The following ZMYND11 variants were observed in gnomAD, a reference collection of about 807,000 sequenced individuals.
ZMYND11 encodes zinc finger MYND-type containing 11, also known as zinc finger MYND domain-containing protein 11.
A neutral mutation model predicts 84.9 loss-of-function variants in ZMYND11; 9 were observed. That is an observed-to-expected ratio of 0.11 (90% confidence interval 0.06 to 0.18). The LOEUF (loss-of-function observed/expected upper bound fraction) is 0.18, where lower values mean the gene tolerates loss of function less well. Ranked by LOEUF, ZMYND11 falls within the 10% of genes least tolerant of loss-of-function variation. The pLI is 1.00. For synonymous variants in ZMYND11, 250 were observed against 244.1 expected (o/e 1.02, Z -0.23); for missense variants, 409 against 761.0 (o/e 0.54, Z 5.44).
intron 3 of ZMYND11, among the ~76,000 whole-genome samples, chr10:216,136 G>A (rs1048202976): frequency 6.6e-6 from 1 of 152,138 alleles, no homozygotes; most frequent in Non-Finnish European, 1.5e-5. Flanking sequence ...ACATCTTTTA[G>A]ATAGGAGATA....
rs142501807 is a variant in ZMYND11 at position 240,803 on chromosome 10, C to G, written c.754-90C>G. 6.1e-6 allele frequency: 6 copies of G among 985,942 alleles called. No homozygotes were observed. In the Admixed American group the frequency reaches 1.5e-4, roughly 25 times the overall value. The allele number at this position is 985,942 out of a possible 1,614,324, so 61.1% of individuals were successfully genotyped here. ...AACAAAATTCAACACTATTTATATACGTGAATGTTAATTTACATGGATACA... is the reference window on the plus strand; with the variant it reads ...AACAAAATTCAACACTATTTATATAGGTGAATGTTAATTTACATGGATACA... On this transcript the variant is annotated intron_variant, in intron 8 of 14. Transcript: ENST00000381604.
chr10:185,368 T>A (rs1040817693), intron 2 of ZMYND11, among the ~76,000 whole-genome samples: 1 of 152,058 alleles, frequency 6.6e-6, no homozygotes, highest in Admixed American at 6.6e-5. Context: ...CTGTGTATGT[T>A]GTCCAAAGGC....
rs754245313 is a variant in ZMYND11, at chr10:248,900, C to A, written c.1501-3C>A. On this transcript the variant is annotated splice_region_variant and splice_polypyrimidine_tract_variant and intron_variant, in intron 13 of 14. Transcript: ENST00000381604. Reference sequence around the variant, plus strand: ...CGCACTGTGGGTTGTCTTTTCATTCCAGCTGCGTTCTGAAATGGAAGAAGA... The same window carrying A: ...CGCACTGTGGGTTGTCTTTTCATTCAAGCTGCGTTCTGAAATGGAAGAAGA... 2 of 1,604,534 alleles carry A rather than the reference C, an allele frequency of 1.2e-6. No homozygotes were observed. The highest frequency in any genetic ancestry group is 8.5e-7 in the Non-Finnish European group (1 of 1,175,046).
intron 4 of ZMYND11, among the ~76,000 whole-genome samples, chr10:222,034 T>TA (rs1263113683): frequency 6.6e-6 from 1 of 152,208 alleles, no homozygotes; most frequent in Non-Finnish European, 1.5e-5. Context: ...TGTGGTGACT[T>TA]ATTACATATG....
At chr10:239,335 T>C (rs1382388079) in intron 6 of ZMYND11, 103 bp from the exon 7 acceptor site, 5 of 906,554 alleles carry the variant, frequency 5.5e-6, no homozygotes, top group Non-Finnish European at 8.8e-6. Context: ...GCAGTAGTCA[T>C]CCTGATGTCA....
At position 189,975 on chromosome 10, in the gene ZMYND11, A is replaced by AG. The variant is rs143102626; in HGVS notation, c.116+9850dup. The stretch of plus-strand genomic sequence containing the variant: ...AGCATAGACTGTCTGGATCAAGCAG[A>AG]GGGACTGTAGGGCTTAAGGGAAAGT... On this transcript the variant is annotated intron_variant, in intron 2 of 14. Coordinates refer to ENST00000381604, the MANE Select transcript of ZMYND11 (RefSeq NM_001370100.5). Among the ~76,000 whole-genome samples, 355 of 152,324 alleles carry AG rather than the reference A, an allele frequency of 2.3e-3. 2 individuals are homozygous for AG. Among genetic ancestry groups the AG allele is most frequent in the East Asian group, 0.017 (87 of 5,186 alleles).
intron 4 of ZMYND11, among the ~76,000 whole-genome samples, chr10:234,193 CAA>C (rs1014743995): frequency 2.6e-5 from 4 of 152,214 alleles, no homozygotes; most frequent in African/African-American, 4.8e-5. Flanking sequence ...GAGTTAGAAA[CAA>C]GAGACGTGAA....
intron 2 of ZMYND11, among the ~76,000 whole-genome samples, chr10:186,642 CAAAAAAAAAAAAAAA>C (rs56345833): frequency 4.7e-4 from 45 of 95,146 alleles, no homozygotes; most frequent in African/African-American, 1.5e-3. Flanking sequence ...AGGACTCTCT[CAAAAAAAAAAAAAAA>C]AAAAAAAAAA....
intron 4 of ZMYND11, among the ~76,000 whole-genome samples, chr10:232,413 T>C (rs974026640): frequency 9.9e-5 from 15 of 152,228 alleles, no homozygotes; most frequent in African/African-American, 3.4e-4. Flanking sequence ...CCCTCAAGTT[T>C]TTCAAATGTG....
At chr10:183,444 AGTT>A (rs1211847249) in intron 2 of ZMYND11, among the ~76,000 whole-genome samples, 2 of 152,092 alleles carry the variant, frequency 1.3e-5, no homozygotes, top group Non-Finnish European at 2.9e-5. Flanking sequence ...ACATGATGTC[AGTT>A]GTTTCTCATT....
At chr10:181,070 GT>G (rs1847795336) in intron 2 of ZMYND11, among the ~76,000 whole-genome samples, 1 of 151,672 alleles carries the variant, frequency 6.6e-6, no homozygotes, top group African/African-American at 2.4e-5. Context: ...ACTTGGTTTT[GT>G]TTTGTTTCTC....
intron 1 of ZMYND11, among the ~76,000 whole-genome samples, chr10:172,277 TAAG>T (rs148549739): frequency 3.0e-3 from 462 of 152,182 alleles, no homozygotes; most frequent in African/African-American, 0.011. Context: ...TAAACAGAAA[TAAG>T]AAGCAAATAG....
chr10:191,371 AACAT>A (rs951021446), intron 2 of ZMYND11, among the ~76,000 whole-genome samples: 34 of 152,320 alleles, frequency 2.2e-4, no homozygotes, highest in African/African-American at 7.9e-4. Context: ...AAGTTTTCAA[AACAT>A]GATCATCTGC....
intron 3 of ZMYND11, among the ~76,000 whole-genome samples, chr10:212,932 T>C (rs1945514983): frequency 6.6e-6 from 1 of 152,164 alleles, no homozygotes; most frequent in Non-Finnish European, 1.5e-5. Flanking sequence ...AGACAAATTA[T>C]ATGTGTATTT....
chr10:209,308 C>T (rs76060499), intron 2 of ZMYND11, among the ~76,000 whole-genome samples: 1,735 of 152,132 alleles, frequency 0.011, 13 homozygotes, highest in Non-Finnish European at 0.017. Flanking sequence ...GGAATGTTTG[C>T]GTGCTTCAGT....
At chr10:199,004 C>G (rs984825091) in intron 2 of ZMYND11, among the ~76,000 whole-genome samples, 2 of 152,148 alleles carry the variant, frequency 1.3e-5, no homozygotes, top group South Asian at 2.1e-4. Context: ...TGGGTTCTTG[C>G]CAAGGCTCCC....
intron 1 of ZMYND11, among the ~76,000 whole-genome samples, chr10:177,023 C>T (rs967617965): frequency 6.6e-6 from 1 of 152,116 alleles, no homozygotes; most frequent in African/African-American, 2.4e-5. Context: ...GATGAACACT[C>T]AAATTGCTGT....
intron 4 of ZMYND11, among the ~76,000 whole-genome samples, chr10:223,893 T>G (rs1336549554): frequency 6.6e-6 from 1 of 151,626 alleles, no homozygotes; most frequent in Non-Finnish European, 1.5e-5. Flanking sequence ...GAACCTAGAG[T>G]CTATAGACAG....
intron 1 of ZMYND11, among the ~76,000 whole-genome samples, chr10:161,287 A>G (rs1376694384): frequency 1.3e-5 from 2 of 152,202 alleles, no homozygotes; most frequent in African/African-American, 4.8e-5. Context: ...CTGAGCAGAA[A>G]GTCTCAACAG....
Sources: allele counts gnomAD v4.1 joint callset (sites outside exome capture counted in the v4.1 genomes callset), GRCh38; gene constraint gnomAD v4.1.1; transcripts MANE v1.5; gene names NCBI Gene and HGNC (gene_info 2026-07-23, HGNC 2026-07-21).